MTA3: variants seen among roughly 807,000 people sequenced by gnomAD.
MTA3 encodes metastasis associated 1 family member 3.
In MTA3, 34 loss-of-function variants were observed where a neutral mutation model predicts 83.5. The ratio of observed to expected loss-of-function variants is 0.41; its 90% CI spans 0.31 to 0.54. The LOEUF is 0.54. Ranked by LOEUF, MTA3 falls within the 20% of genes least tolerant of loss-of-function variation. The pLI is 0.33. For synonymous variants in MTA3, 303 were observed against 252.7 expected, an observed-to-expected ratio of 1.20 and a Z score of -1.89; for missense variants, 761 against 726.4, an observed-to-expected ratio of 1.05 and a Z score of -0.55.
At chr2:42,703,185 A>C (rs899951875) in intron 11 of MTA3, 1 of 152,196 alleles carries the variant, frequency 6.6e-6, no homozygotes, top group Non-Finnish European at 1.5e-5. Flanking sequence ...CTGGTCTCCG[A>C]ACTCCTGGCT....
chr2:42,597,375 C>CTTTTTTTTTTTTTTTTTT, intron 3 of MTA3, among the ~76,000 whole-genome samples: 1 of 108,456 alleles, frequency 9.2e-6, no homozygotes, highest in Non-Finnish European at 1.8e-5. Context: ...GACAAGTTAT[C>CTTTTTTTTTTTTTTTTTT]TTTTTTTTTT....
intron 3 of MTA3, among the ~76,000 whole-genome samples, chr2:42,600,309 C>T (rs1682404035): frequency 6.6e-6 from 1 of 152,104 alleles, no homozygotes; most frequent in Non-Finnish European, 1.5e-5. Context: ...TAGTGAAGGG[C>T]TCCCAGAATG....
chr2:42,711,902 G>A (rs1212941890), intron 14 of MTA3, among the ~76,000 whole-genome samples: 1 of 152,046 alleles, frequency 6.6e-6, no homozygotes, highest in Non-Finnish European at 1.5e-5. Context: ...GTGATGCAAT[G>A]TGAATGTACT....
intron 16 of MTA3, among the ~76,000 whole-genome samples, chr2:42,729,849 A>G (rs1668125118): frequency 1.3e-5 from 2 of 152,220 alleles, no homozygotes; most frequent in Non-Finnish European, 2.9e-5. Context: ...GTATTTTGAT[A>G]GGCATTGCAT....
chr2:42,628,771 C>CT (rs1558520009), intron 4 of MTA3, among the ~76,000 whole-genome samples: 6 of 15,222 alleles, frequency 3.9e-4, no homozygotes, highest in South Asian at 0.012. Context: ...ACATTTCCAC[C>CT]CTTTTTTTTT....
At chr2:42,705,719 A>T (rs552017232) in intron 12 of MTA3, among the ~76,000 whole-genome samples, 2 of 150,450 alleles carry the variant, frequency 1.3e-5, no homozygotes, top group South Asian at 4.2e-4. Context: ...CCCGCCCCCA[A>T]AAAAAAAATT....
chr2:42,532,702 C>T lies in MTA3; in HGVS notation c.-141+37448C>T, dbSNP rs376350768. ...CTTTGGGGGAGAGGACACCACACTT[C>T]TACTCAATGAAGAGAAACATTTTTA... On this transcript the variant is annotated intron_variant, in intron 2 of 17. Transcript: ENST00000405592. 7.0e-5 allele frequency: 13 copies of T among 184,418 alleles called. No individual in the cohort carries two copies. The East Asian group carries it at 1.7e-3, about 23-fold the overall frequency. 11.4% of individuals were successfully genotyped at this position (184,418 alleles called of 1,614,324 possible). A position where few individuals can be genotyped will look rare whatever the true frequency, so the allele number is the denominator to read the frequency against.
rs547078666 is a variant in MTA3, at chr2:42,749,873, C to G, written c.1760-3501C>G. 1.7e-4 allele frequency among the ~76,000 whole-genome samples: 26 copies of G among 152,298 alleles called. No individual in the cohort carries two copies. In the South Asian group the frequency reaches 5.4e-3, roughly 32 times the overall value. On this transcript the variant is annotated intron_variant, in intron 16 of 16. Coordinates refer to ENST00000405094, the MANE Select transcript of MTA3 (RefSeq NM_001330442.2). Reference sequence around the variant, plus strand: ...TAGGAAGCAGAGCTCCTCAGTCCTTCTATGTGCTTCCCCTCCTGTTTCTCT... The same window carrying G: ...TAGGAAGCAGAGCTCCTCAGTCCTTGTATGTGCTTCCCCTCCTGTTTCTCT...
At chr2:42,715,499 A>G (rs1487759747) in intron 14 of MTA3, among the ~76,000 whole-genome samples, 2 of 145,968 alleles carry the variant, frequency 1.4e-5, no homozygotes, top group Non-Finnish European at 3.0e-5. Context: ...TATAGCCTCT[A>G]ACTCAAGGGA....
intron 16 of MTA3, among the ~76,000 whole-genome samples, chr2:42,742,405 C>T (rs567306124): frequency 2.6e-5 from 4 of 152,272 alleles, no homozygotes; most frequent in African/African-American, 9.6e-5. Context: ...TCCCAAAGTG[C>T]TAGGTTTACA....
At chr2:42,685,480 G>A (rs1398568654) in intron 9 of MTA3, among the ~76,000 whole-genome samples, 1 of 152,208 alleles carries the variant, frequency 6.6e-6, no homozygotes, top group African/African-American at 2.4e-5. Context: ...GAAGTAGGAA[G>A]CTAACACTCT....
chr2:42,515,694 G>T (rs1243639316), intron 2 of MTA3, among the ~76,000 whole-genome samples: 2 of 151,324 alleles, frequency 1.3e-5, no homozygotes, highest in Admixed American at 6.6e-5. Context: ...GTAGAGACAG[G>T]GTTTCACCAT....
chr2:42,602,396 C>T (rs1261106368), intron 3 of MTA3, among the ~76,000 whole-genome samples: 5 of 152,154 alleles, frequency 3.3e-5, no homozygotes, highest in Non-Finnish European at 7.3e-5. Context: ...TCTCATTTCT[C>T]TTGGGTAATT....
At chr2:42,666,166 A>G (rs1260510909) in intron 8 of MTA3, among the ~76,000 whole-genome samples, 1 of 152,156 alleles carries the variant, frequency 6.6e-6, no homozygotes, top group Non-Finnish European at 1.5e-5. Context: ...AGTCCCAGCT[A>G]CTCGGGAGGC....
chr2:42,702,059 A>T (rs1315817676), intron 11 of MTA3, among the ~76,000 whole-genome samples: 1 of 151,762 alleles, frequency 6.6e-6, no homozygotes, highest in African/African-American at 2.4e-5. Flanking sequence ...AAAAATGTAA[A>T]AATTAGGCAG....
At chr2:42,525,262 C>T (rs1572923082) in intron 2 of MTA3, among the ~76,000 whole-genome samples, 1 of 151,560 alleles carries the variant, frequency 6.6e-6, no homozygotes, top group Non-Finnish European at 1.5e-5. Flanking sequence ...TGCAGTGGCA[C>T]GATCTCAGCT....
chr2:42,534,166 G>C (rs1020370240), intron 2 of MTA3, among the ~76,000 whole-genome samples: 6 of 152,096 alleles, frequency 3.9e-5, no homozygotes, highest in African/African-American at 1.4e-4. Context: ...ATGTTCGGTA[G>C]GATTCTGAAG....
chr2:42,754,770 A>T lies in MTA3; in HGVS notation c.*1371A>T. The T allele has an allele frequency of 6.1e-6, 6 of 985,458 alleles. No homozygotes were observed. The highest frequency in any genetic ancestry group is 6.0e-6 in the Non-Finnish European group (5 of 829,960). 61.0% of individuals were successfully genotyped at this position (985,458 alleles called of 1,614,324 possible). A position where few individuals can be genotyped will look rare whatever the true frequency, so the allele number is the denominator to read the frequency against. On this transcript the variant is annotated 3_prime_UTR_variant, in exon 17 of 17. Transcript: ENST00000405094. ...TTGCAAGACAGAGTGGCTACAATTG[A>T]ATTGACACCCTGGGAAGCACGAGGT...
chr2:42,639,348 G>T (rs1224861418), intron 4 of MTA3, among the ~76,000 whole-genome samples: 1 of 152,106 alleles, frequency 6.6e-6, no homozygotes, highest in Non-Finnish European at 1.5e-5. Flanking sequence ...GAAACATTGT[G>T]TGAGCCCTGA....
Sources: allele counts gnomAD v4.1 joint callset (sites outside exome capture counted in the v4.1 genomes callset), GRCh38; gene constraint gnomAD v4.1.1; transcripts MANE v1.5; gene names NCBI Gene and HGNC (gene_info 2026-07-23, HGNC 2026-07-21).